The following CES5A variants were observed in gnomAD, a reference collection of about 807,000 sequenced individuals.
CES5A encodes the protein carboxylesterase 5A.
In CES5A, 67 loss-of-function variants were observed where a neutral mutation model predicts 62.9. The observed-to-expected ratio is 1.07, with a 90% confidence interval of 0.88 to 1.31. The LOEUF (loss-of-function observed/expected upper bound fraction) is 1.31. CES5A is among the 50% of genes most tolerant of loss of function. The pLI, the probability that CES5A is intolerant of heterozygous loss-of-function variation, is 0.00. For synonymous variants in CES5A, 296 were observed against 280.8 expected, an observed-to-expected ratio of 1.05 and a Z score of -0.54; for missense variants, 748 against 708.5, an observed-to-expected ratio of 1.06 and a Z score of -0.63.
At position 55,936,730 on chromosome 16, in the gene CES5A, T is replaced by C. The variant is rs557746248; in HGVS notation, c.160+13055A>G. Among the ~76,000 whole-genome samples, 4 of 152,314 alleles carry C rather than the reference T, an allele frequency of 2.6e-5. No homozygotes were observed. The South Asian group carries it at 8.3e-4, about 32-fold the overall frequency. On this transcript the variant is annotated intron_variant, in intron 2 of 13. Transcript: ENST00000521992. Reference sequence around the variant, plus strand: ...TGCTAGTAGCTTCCACCAGCCAAAATAGTTTTTATTTTAGGTGACAGGGGT... The same window carrying C: ...TGCTAGTAGCTTCCACCAGCCAAAACAGTTTTTATTTTAGGTGACAGGGGT...
chr16:55,903,595 T>C (rs1311458527), intron 1 of CES5A, among the ~76,000 whole-genome samples: 3 of 152,196 alleles, frequency 2.0e-5, no homozygotes, highest in Non-Finnish European at 4.4e-5. Flanking sequence ...TCCAACTGCT[T>C]AGTAAGCTCT....
chr16:55,875,981 T>A (rs2033687641), upstream of CES5A, among the ~76,000 whole-genome samples: 1 of 152,200 alleles, frequency 6.6e-6, no homozygotes, highest in Non-Finnish European at 1.5e-5. Context: ...TTCTCCAGCT[T>A]CTTCTTTAAA....
In CES5A at chr16:55,846,525, T is replaced by A. The variant is rs1186014652; in HGVS notation, c.1654A>T (p.Met552Leu). The A allele has an allele frequency of 6.2e-7, 1 of 1,614,070 alleles. No homozygotes were observed. Among genetic ancestry groups the A allele is most frequent in the Admixed American group, 1.7e-5 (1 of 60,030 alleles). ...TIPLILSASDMLHSPLSSLTF... is the reference protein window; with the variant it reads ...TIPLILSASDLLHSPLSSLTF... The stretch of plus-strand genomic sequence containing the variant: ...AAGGAAGAAAGAGGACTGTGGAGCA[T>A]GTCGGAGGCAGACAGGATCAGGGGG... Residue 552 changes from methionine (M) to leucine (L), a missense_variant, in exon 13 of 13, where the codon ATG becomes TTG. Physicochemically the swap from Met to Leu is conservative, Grantham distance 15. Transcript: ENST00000290567.
intron 1 of CES5A, among the ~76,000 whole-genome samples, chr16:55,882,520 G>C (rs1258942544): frequency 6.6e-6 from 1 of 152,126 alleles, no homozygotes; most frequent in African/African-American, 2.4e-5. Context: ...ATATCACCTA[G>C]GCAACAGGAC....
chr16:55,925,117 C>G (rs117080690), intron 1 of CES5A, among the ~76,000 whole-genome samples: 1 of 151,786 alleles, frequency 6.6e-6, no homozygotes, highest in Non-Finnish European at 1.5e-5. Context: ...AACTCTCAAC[C>G]GACAACAGAT....
chr16:55,875,174 G>C lies in CES5A; in HGVS notation c.48C>G (p.Ile16Met). 6.2e-7 allele frequency: 1 copy of C among 1,614,132 alleles called. No individual in the cohort carries two copies. Among genetic ancestry groups the C allele is most frequent in the Non-Finnish European group, 8.5e-7 (1 of 1,179,994 alleles). Residue 16 changes from isoleucine to methionine, a missense_variant, in exon 1 of 13, where the codon ATC becomes ATG. Coordinates refer to ENST00000290567, the MANE Select transcript of CES5A (RefSeq NM_001143685.2). ...CTTTGGTGGGGGCTGCAAGGACCCA[G>C]ATAGCCCAAATTAGGATCTGGCCTG... ...VHPGQILIWA[I>M]WVLAAPTKGP...
chr16:55,928,854 G>C (rs996972337), upstream of CES5A, among the ~76,000 whole-genome samples: 2 of 152,242 alleles, frequency 1.3e-5, no homozygotes, highest in Non-Finnish European at 2.9e-5. Flanking sequence ...CTCCTGACCT[G>C]TCCTTGTCTT....
At chr16:55,926,554 A>G (rs1305903451), upstream of CES5A, among the ~76,000 whole-genome samples, 2 of 152,312 alleles carry the variant, frequency 1.3e-5, no homozygotes, top group East Asian at 3.9e-4. Context: ...TAAGATTAGG[A>G]AATAAAAATA....
exon 2 of CES5A, chr16:55,949,867 G>A: frequency 6.6e-7 from 1 of 1,522,238 alleles, no homozygotes; most frequent in South Asian, 1.2e-5. Flanking sequence ...AGTAAACCAG[G>A]CACAATCTCC....
At chr16:55,917,085 C>A (rs1199828384) in intron 1 of CES5A, among the ~76,000 whole-genome samples, 1 of 152,196 alleles carries the variant, frequency 6.6e-6, no homozygotes, top group African/African-American at 2.4e-5. Context: ...GGCAGGCAAC[C>A]CCCAAGGCTC....
intron 1 of CES5A, among the ~76,000 whole-genome samples, chr16:55,913,684 G>C (rs1368496380): frequency 1.3e-5 from 2 of 152,174 alleles, no homozygotes; most frequent in Non-Finnish European, 2.9e-5. Flanking sequence ...AATTTCCTCA[G>C]TTATAAATTT....
chr16:55,947,085 G>T (rs2034503400), intron 2 of CES5A, among the ~76,000 whole-genome samples: 1 of 152,212 alleles, frequency 6.6e-6, no homozygotes, highest in South Asian at 2.1e-4. Flanking sequence ...AGTACTTGGG[G>T]CCACTCCCTG....
At chr16:55,920,988 T>G (rs2034198340) in intron 1 of CES5A, among the ~76,000 whole-genome samples, 2 of 152,192 alleles carry the variant, frequency 1.3e-5, no homozygotes, top group Non-Finnish European at 2.9e-5. Context: ...AAAAATTCAT[T>G]AGAAGCTCTT....
At chr16:55,946,009 C>T (rs2034490962) in intron 2 of CES5A, among the ~76,000 whole-genome samples, 1 of 152,112 alleles carries the variant, frequency 6.6e-6, no homozygotes, top group Non-Finnish European at 1.5e-5. Context: ...CACTTAGGCT[C>T]TTAAGGGAGG....
chr16:55,921,937 T>C (rs1415441234), intron 1 of CES5A, among the ~76,000 whole-genome samples: 3 of 152,018 alleles, frequency 2.0e-5, no homozygotes, highest in African/African-American at 7.2e-5. Context: ...TATTCTTTTC[T>C]TGGTGATCTA....
At chr16:55,878,761 A>C (rs2033726680), upstream of CES5A, among the ~76,000 whole-genome samples, 3 of 141,608 alleles carry the variant, frequency 2.1e-5, no homozygotes, top group Admixed American at 7.0e-5. Flanking sequence ...CTCACCACTG[A>C]ACCCCATCAC....
intron 2 of CES5A, among the ~76,000 whole-genome samples, chr16:55,947,208 A>C (rs142371266): frequency 1.1e-4 from 17 of 152,224 alleles, no homozygotes; most frequent in Non-Finnish European, 1.9e-4. Context: ...GGTTGTTTGC[A>C]TCAAACAAAT....
chr16:55,921,630 C>A (rs1369167967), intron 1 of CES5A, among the ~76,000 whole-genome samples: 30 of 122,834 alleles, frequency 2.4e-4, no homozygotes, highest in African/African-American at 9.4e-4. Context: ...GTTCTTCAAT[C>A]TGAAAGAAAA....
chr16:55,858,058 G>C (rs2033278698), intron 8 of CES5A, among the ~76,000 whole-genome samples: 1 of 152,158 alleles, frequency 6.6e-6, no homozygotes, highest in Non-Finnish European at 1.5e-5. Context: ...AATTAGCTGG[G>C]CATGGTGGTG....
Sources: gnomAD v4.1 joint callset for allele counts (sites outside exome capture counted in the v4.1 genomes callset) on GRCh38, gnomAD v4.1.1 for gene constraint, MANE v1.5 for transcripts, NCBI Gene and HGNC (gene_info 2026-07-23, HGNC 2026-07-21) for gene names.